The following TMEM204 variants were observed in gnomAD, a reference collection of about 807,000 sequenced individuals.
The protein encoded by TMEM204 is claudin-like protein 24.
TMEM204 carries 15 observed loss-of-function variants against 19.4 expected under a neutral mutation model. The ratio of observed to expected loss-of-function variants is 0.77; its 90% CI spans 0.52 to 1.19. The LOEUF (loss-of-function observed/expected upper bound fraction) is 1.19, where lower values mean the gene tolerates loss of function less well. Ranked by LOEUF, TMEM204 falls within the 50% of genes most tolerant of loss-of-function variation. TMEM204 has a pLI of 0.00. For synonymous variants in TMEM204, 161 were observed against 146.0 expected (o/e 1.10, Z -0.74); for missense variants, 287 against 321.2 (o/e 0.89, Z 0.81).
rs2032991455 is a variant in TMEM204, at chr16:1,555,176, G to T, written c.*150G>T. On this transcript the variant is annotated 3_prime_UTR_variant, in exon 3 of 3. Coordinates refer to ENST00000566264, the MANE Select transcript of TMEM204 (RefSeq NM_024600.6). ...TCTGCGCCATGCGTGCGAGACACGT[G>T]TGCGTTTACTGTTATGTCGGTCATA... 1 of 953,742 alleles carries T rather than the reference G, an allele frequency of 1.0e-6. No individual in the cohort carries two copies. 59.1% of individuals were successfully genotyped at this position (953,742 alleles called of 1,614,324 possible). A position where few individuals can be genotyped will look rare whatever the true frequency, so the allele number is the denominator to read the frequency against.
At chr16:1,536,357 G>T (rs1018521400) in intron 1 of TMEM204, among the ~76,000 whole-genome samples, 9 of 152,174 alleles carry the variant, frequency 5.9e-5, no homozygotes, top group Admixed American at 2.6e-4. Flanking sequence ...CAGGACACAC[G>T]AGGCCCCTCA....
At position 1,553,748 on chromosome 16, in the gene TMEM204, AT is replaced by A. The variant is rs754899976; in HGVS notation, c.437-1033del. 188 of 1,155,778 alleles carry A rather than the reference AT, an allele frequency of 1.6e-4. 1 individual carries two copies. The highest frequency in any genetic ancestry group is 4.0e-4 in the Middle Eastern group (1 of 2,502). 71.6% of individuals were successfully genotyped at this position (1,155,778 alleles called of 1,614,324 possible). ...GGCCACATCCCCATGGCTGTAGGGG[AT>A]GAGGAGGGGCAGGGCCATGTGGACA... On this transcript the variant is annotated intron_variant, in intron 2 of 2. Coordinates refer to ENST00000566264, the MANE Select transcript of TMEM204 (RefSeq NM_024600.6). This position sits in a 1 kb window ranked among gnomAD's most constrained non-coding sequence, Gnocchi z 4.4.
chr16:1,534,957 C>T (rs1045614931), intron 1 of TMEM204, among the ~76,000 whole-genome samples: 7 of 152,042 alleles, frequency 4.6e-5, no homozygotes, highest in East Asian at 1.9e-4. Context: ...GTAATCCTAG[C>T]GCTTTGGGAG....
intron 2 of TMEM204, among the ~76,000 whole-genome samples, chr16:1,548,520 C>T (rs1382094470): frequency 6.6e-6 from 1 of 152,210 alleles, no homozygotes; most frequent in African/African-American, 2.4e-5. Context: ...GGCAGAATTT[C>T]GTGTTTGCTA....
rs1232315133 is a variant in TMEM204 at position 1,549,933 on chromosome 16, C to T, written c.437-4849C>T. On this transcript the variant is annotated intron_variant, in intron 2 of 2. Transcript: ENST00000566264. ...TTGCGTGTGGACATGTGAACTCATA[C>T]TTCTTTAATCAGTTTATCTACATTC... is the stretch of plus-strand genomic sequence containing the variant. Among the ~76,000 whole-genome samples, 5 of 152,302 alleles carry T rather than the reference C, an allele frequency of 3.3e-5. No individual in the cohort carries two copies. In the East Asian group the frequency reaches 7.7e-4, roughly 24 times the overall value.
At chr16:1,530,513 C>T (rs369542228), upstream of TMEM204, among the ~76,000 whole-genome samples, 38 of 152,322 alleles carry the variant, frequency 2.5e-4, no homozygotes, top group South Asian at 2.9e-3. Flanking sequence ...GGGCTGGGAC[C>T]TGCCTCTACC....
intron 2 of TMEM204, 52 bp from the exon 3 acceptor site, chr16:1,554,730 G>A: frequency 1.3e-6 from 2 of 1,599,376 alleles, no homozygotes; most frequent in South Asian, 1.1e-5. Flanking sequence ...GGGAAGGAGT[G>A]GAACCCGCCT....
chr16:1,551,119 G>A lies in TMEM204; in HGVS notation c.437-3663G>A, dbSNP rs565904603. On this transcript the variant is annotated intron_variant, in intron 2 of 2. Coordinates refer to ENST00000566264, the MANE Select transcript of TMEM204 (RefSeq NM_024600.6). This position sits in a 1 kb window ranked among gnomAD's most constrained non-coding sequence, Gnocchi z 4.0. ...CACACTGCATTCTGTTCTGTTTCAC[G>A]TCTACTTTGGTCTCCTCAAACGATT... 3.5e-4 allele frequency among the ~76,000 whole-genome samples: 54 copies of A among 152,326 alleles called. No individual in the cohort carries two copies. Among genetic ancestry groups the A allele is most frequent in the Non-Finnish European group, 6.3e-4 (43 of 68,030 alleles).
intron 2 of TMEM204, among the ~76,000 whole-genome samples, chr16:1,546,542 A>C (rs1244321013): frequency 6.6e-5 from 10 of 152,220 alleles, no homozygotes; most frequent in Admixed American, 6.5e-4. Context: ...GTCTCTCTGA[A>C]GCCCTGCTGG....
chr16:1,541,449 G>T, intron 1 of TMEM204: 2 of 985,440 alleles, frequency 2.0e-6, no homozygotes, highest in Non-Finnish European at 2.4e-6. Context: ...AGCTGAGCAC[G>T]CAGGACAGCA....
chr16:1,544,184 ATTTT>A (rs1237730678), intron 2 of TMEM204, among the ~76,000 whole-genome samples: 1 of 115,150 alleles, frequency 8.7e-6, no homozygotes, highest in Non-Finnish European at 1.8e-5. Flanking sequence ...CGCCCCACTA[ATTTT>A]TTTTTTTTTT....
chr16:1,552,499 G>A (rs554341009), intron 2 of TMEM204, among the ~76,000 whole-genome samples: 5 of 152,216 alleles, frequency 3.3e-5, no homozygotes, highest in African/African-American at 1.2e-4. Context: ...TGTTCAAAGT[G>A]CCCTCATTTT....
chr16:1,532,164 C>G (rs1188847797), upstream of TMEM204: 2 of 152,282 alleles, frequency 1.3e-5, no homozygotes. Flanking sequence ...TCCGAGCCAC[C>G]CGGGAGAGTG....
rs186879907 is a variant in TMEM204 at position 1,543,328 on chromosome 16, A to G, written c.436+1252A>G. Among the ~76,000 whole-genome samples, 14 of 152,340 alleles carry G rather than the reference A, an allele frequency of 9.2e-5. No homozygotes were observed. The South Asian group carries it at 1.0e-3, about 11-fold the overall frequency. On this transcript the variant is annotated intron_variant, in intron 2 of 2. Transcript: ENST00000566264. Reference sequence around the variant, plus strand: ...GCCCTTATCTTTCTTAAGAAATACAATTTCCAGAAGGAGGCTGACAGACTG... The same window carrying G: ...GCCCTTATCTTTCTTAAGAAATACAGTTTCCAGAAGGAGGCTGACAGACTG...
rs1035092384 is a variant in TMEM204 at position 1,553,072 on chromosome 16, G to A, written c.437-1710G>A. The stretch of plus-strand genomic sequence containing the variant: ...TCACTGTCATTGTTCAGGACAAAAT[G>A]GAGATAGATAAATGCTTAATTCATA... On this transcript the variant is annotated intron_variant, in intron 2 of 2. Coordinates refer to ENST00000566264, the MANE Select transcript of TMEM204 (RefSeq NM_024600.6). The surrounding 1 kb of genome is among the most constrained non-coding windows in gnomAD (Gnocchi z 4.4). 2.0e-6 allele frequency: 2 copies of A among 985,300 alleles called. No individual in the cohort carries two copies. Among genetic ancestry groups the A allele is most frequent in the Admixed American group, 6.1e-5 (1 of 16,266 alleles). 61.0% of individuals were successfully genotyped at this position (985,300 alleles called of 1,614,324 possible). A position where few individuals can be genotyped will look rare whatever the true frequency, so the allele number is the denominator to read the frequency against.
chr16:1,530,133 CTTT>C (rs922819138), upstream of TMEM204, among the ~76,000 whole-genome samples: 22 of 88,574 alleles, frequency 2.5e-4, no homozygotes, highest in African/African-American at 1.0e-3. Context: ...CGACGGGAAT[CTTT>C]TTTTTTTTTT....
intron 1 of TMEM204, among the ~76,000 whole-genome samples, chr16:1,539,138 C>G (rs1029251082): frequency 5.3e-5 from 8 of 151,192 alleles, no homozygotes; most frequent in Non-Finnish European, 1.0e-4. Context: ...CAGACGGCCC[C>G]ACGCCTCAGG....
chr16:1,543,618 G>T (rs1282851375), intron 2 of TMEM204, among the ~76,000 whole-genome samples: 1 of 152,194 alleles, frequency 6.6e-6, no homozygotes, highest in Non-Finnish European at 1.5e-5. Context: ...CTTCGAAAAG[G>T]GTAATTTCTG....
rs1376906700 is a variant in TMEM204, at chr16:1,533,991, T to C, written c.-285T>C. The C allele has an allele frequency of 1.9e-5, 9 of 479,252 alleles. No individual in the cohort carries two copies. Among genetic ancestry groups the C allele is most frequent in the South Asian group, 1.7e-4 (6 of 34,906 alleles). 29.7% of individuals were successfully genotyped at this position (479,252 alleles called of 1,614,324 possible). A position where few individuals can be genotyped will look rare whatever the true frequency, so the allele number is the denominator to read the frequency against. On this transcript the variant is annotated 5_prime_UTR_variant, in exon 1 of 3. Coordinates refer to ENST00000566264, the MANE Select transcript of TMEM204 (RefSeq NM_024600.6). The surrounding 1 kb of genome is among the most constrained non-coding windows in gnomAD (Gnocchi z 4.7). ...TCCGCTTCCCGGGAAGACGGCGCAC[T>C]CCTGGCCCTGGGTTCTTGCTGCTGC...
Sources: gnomAD v4.1 joint callset for allele counts (sites outside exome capture counted in the v4.1 genomes callset) on GRCh38, gnomAD v4.1.1 for gene constraint, Gnocchi (gnomAD v3.1) non-coding constraint, MANE v1.5 for transcripts, NCBI Gene and HGNC (gene_info 2026-07-23, HGNC 2026-07-21) for gene names.